RAPGEF4: variants seen among roughly 807,000 people sequenced by gnomAD.
RAPGEF4 encodes RAP guanine-nucleotide-exchange factor (GEF) 4.
RAPGEF4 carries 66 observed loss-of-function variants against 147.9 expected under a neutral mutation model. That is an observed-to-expected ratio of 0.45 (90% CI 0.37 to 0.55). The LOEUF is 0.55. RAPGEF4 is among the 20% of genes least tolerant of loss of function. The probability of loss-of-function intolerance (pLI) is 0.00; values close to 1 mark genes in which losing one functional copy is unlikely to be tolerated. For missense variants in RAPGEF4, 1,071 were observed against 1,257.3 expected (o/e 0.85, Z 2.24); for synonymous variants, 419 against 442.7 (o/e 0.95, Z 0.67).
intron 29 of RAPGEF4, among the ~76,000 whole-genome samples, chr2:173,039,053 A>G (rs1324893374): frequency 3.9e-5 from 6 of 152,242 alleles, no homozygotes; most frequent in African/African-American, 9.6e-5. Context: ...CACAGAGTCC[A>G]CTTTTGCTGA....
chr2:173,047,923 G>A (rs920748226), intron 29 of RAPGEF4, among the ~76,000 whole-genome samples: 25 of 152,234 alleles, frequency 1.6e-4, no homozygotes, highest in African/African-American at 6.0e-4. Context: ...TGATCCACCC[G>A]CCTCGGCCTC....
At position 172,967,444 on chromosome 2, in the gene RAPGEF4, C is replaced by T. The variant is rs989465232; in HGVS notation, c.1004C>T (p.Pro335Leu). Residue 335 changes from proline (P) to leucine (L), a missense_variant and splice_region_variant, in exon 10 of 31, where the codon CCA becomes CTA. Transcript: ENST00000397081. ...CACATGAGGATGATCCTTCGCAAAC[C>T]GTGAGTGAGAGCTCGTGGCTCACCC... ...DAHMRMILRK[P>L]PGQRTVDDLE... 3 of 1,609,572 alleles carry T rather than the reference C, an allele frequency of 1.9e-6. No homozygotes were observed. Among genetic ancestry groups the T allele is most frequent in the South Asian group, 2.2e-5 (2 of 90,638 alleles).
At chr2:172,878,288 TC>T (rs1050005081) in intron 4 of RAPGEF4, among the ~76,000 whole-genome samples, 22 of 152,282 alleles carry the variant, frequency 1.4e-4, no homozygotes, top group African/African-American at 4.6e-4. Context: ...TCTATCTTTT[TC>T]CCACTCACCC....
chr2:172,821,136 C>T (rs1454881313), intron 4 of RAPGEF4, among the ~76,000 whole-genome samples: 1 of 152,242 alleles, frequency 6.6e-6, no homozygotes, highest in Non-Finnish European at 1.5e-5. Context: ...TCTCAGAACA[C>T]AGATATCCCA....
chr2:172,785,306 A>G (rs1439392772), intron 1 of RAPGEF4, among the ~76,000 whole-genome samples: 1 of 152,224 alleles, frequency 6.6e-6, no homozygotes, highest in Middle Eastern at 3.2e-3. Context: ...CTATCCATAA[A>G]ACCTCTAAAA....
chr2:172,948,903 G>T (rs1687945158), intron 6 of RAPGEF4, among the ~76,000 whole-genome samples: 1 of 152,108 alleles, frequency 6.6e-6, no homozygotes, highest in Admixed American at 6.6e-5. Flanking sequence ...AAACTCCCAT[G>T]ACACAAGTTT....
At chr2:172,808,273 G>C (rs574281527) in intron 3 of RAPGEF4, among the ~76,000 whole-genome samples, 2 of 152,258 alleles carry the variant, frequency 1.3e-5, no homozygotes, top group South Asian at 2.1e-4. Context: ...TAACTCAGAC[G>C]TACAAAGCAG....
At position 173,020,820 on chromosome 2, in the gene RAPGEF4, G is replaced by A. The variant is rs1002613913; in HGVS notation, c.2253+105G>A. ...CCCAGTGGCTAAAAAATCTTGAATG[G>A]TACTTAGCTTTTTCTTTTTCTGCAG... On this transcript the variant is annotated intron_variant, in intron 23 of 30. Coordinates refer to ENST00000397081, the MANE Select transcript of RAPGEF4 (RefSeq NM_007023.4). 4 of 812,560 alleles carry A rather than the reference G, an allele frequency of 4.9e-6. No individual in the cohort carries two copies. In the Admixed American group the frequency reaches 7.6e-5, roughly 16 times the overall value. The allele number at this position is 812,560 out of a possible 1,614,324, so 50.3% of individuals were successfully genotyped here.
At chr2:172,904,405 G>T (rs947763187) in intron 4 of RAPGEF4, among the ~76,000 whole-genome samples, 3 of 152,172 alleles carry the variant, frequency 2.0e-5, no homozygotes, top group African/African-American at 7.2e-5. Flanking sequence ...CAATAACATT[G>T]CTAGAGCAAA....
At chr2:172,958,975 CTTTA>C (rs1689011437) in intron 6 of RAPGEF4, among the ~76,000 whole-genome samples, 1 of 151,974 alleles carries the variant, frequency 6.6e-6, no homozygotes, top group African/African-American at 2.4e-5. Context: ...ATATATTGGC[CTTTA>C]TTTACCTCAT....
At chr2:172,824,669 A>G (rs1457786761) in intron 4 of RAPGEF4, among the ~76,000 whole-genome samples, 1 of 152,220 alleles carries the variant, frequency 6.6e-6, no homozygotes, top group Non-Finnish European at 1.5e-5. Flanking sequence ...AATAAGGTGC[A>G]AGATCATCCC....
chr2:172,914,819 C>G (rs1023247737), intron 4 of RAPGEF4, among the ~76,000 whole-genome samples: 3 of 152,158 alleles, frequency 2.0e-5, no homozygotes, highest in African/African-American at 7.2e-5. Flanking sequence ...CCAATTCTGA[C>G]AGATTAAAAA....
chr2:173,000,725 T>TTTTC (rs1355250120), intron 16 of RAPGEF4, among the ~76,000 whole-genome samples: 1 of 129,644 alleles, frequency 7.7e-6, no homozygotes, highest in African/African-American at 3.3e-5. Flanking sequence ...CTTAATCTTG[T>TTTTC]TTTCTTTCTT....
chr2:172,987,926 T>C (rs1692441254), intron 12 of RAPGEF4, among the ~76,000 whole-genome samples: 1 of 152,258 alleles, frequency 6.6e-6, no homozygotes, highest in African/African-American at 2.4e-5. Context: ...GAAATGTGTA[T>C]GGCTTTAAGA....
chr2:172,926,859 C>T (rs775769775), intron 6 of RAPGEF4, among the ~76,000 whole-genome samples: 3 of 152,070 alleles, frequency 2.0e-5, no homozygotes, highest in Admixed American at 6.6e-5. Flanking sequence ...TGTGAGCTAC[C>T]GCGCCCAGCC....
intron 6 of RAPGEF4, among the ~76,000 whole-genome samples, chr2:172,953,150 C>T (rs1258512432): frequency 6.6e-6 from 1 of 151,576 alleles, no homozygotes; most frequent in Non-Finnish European, 1.5e-5. Context: ...GTCTTCAGTG[C>T]CCCTGATTTA....
chr2:172,968,760 G>A (rs992087757), intron 10 of RAPGEF4, among the ~76,000 whole-genome samples: 4 of 152,198 alleles, frequency 2.6e-5, no homozygotes, highest in African/African-American at 4.8e-5. Flanking sequence ...GCCAATGTAT[G>A]CTTTCTCTGC....
intron 4 of RAPGEF4, among the ~76,000 whole-genome samples, chr2:172,840,433 G>A (rs978016658): frequency 4.6e-5 from 7 of 152,254 alleles, no homozygotes; most frequent in African/African-American, 7.2e-5. Flanking sequence ...TCTGCACAAC[G>A]CCTATTCTAC....
chr2:173,028,569 A>T (rs527828379), intron 25 of RAPGEF4, among the ~76,000 whole-genome samples: 80 of 152,104 alleles, frequency 5.3e-4, no homozygotes, highest in Non-Finnish European at 9.0e-4. Context: ...ATATATATAT[A>T]TTTTTGCTTT....
Sources: allele counts gnomAD v4.1 joint callset (sites outside exome capture counted in the v4.1 genomes callset), GRCh38; gene constraint gnomAD v4.1.1; transcripts MANE v1.5; gene names NCBI Gene and HGNC (gene_info 2026-07-23, HGNC 2026-07-21).